Variants in CCDC85C observed in about 807,000 individuals in gnomAD.
The protein encoded by CCDC85C is coiled-coil domain-containing protein 85C.
In CCDC85C, 18 loss-of-function variants were observed where a neutral mutation model predicts 38.3. The observed-to-expected ratio is 0.47, with a 90% CI of 0.33 to 0.70. CCDC85C has a LOEUF of 0.70. Among genes scored for constraint, CCDC85C ranks in the 30% least tolerant of loss-of-function variants. CCDC85C has a pLI of 0.03. For synonymous variants in CCDC85C, 264 were observed against 293.8 expected, an observed-to-expected ratio of 0.90 and a Z score of 1.04; for missense variants, 566 against 621.2, an observed-to-expected ratio of 0.91 and a Z score of 0.94.
At chr14:99,567,408 G>A (rs1388705700) in intron 1 of CCDC85C, among the ~76,000 whole-genome samples, 1 of 152,178 alleles carries the variant, frequency 6.6e-6, no homozygotes, top group Non-Finnish European at 1.5e-5. Context: ...GAGGCATGGT[G>A]GTGCCGAGAC....
chr14:99,515,675 C>A (rs1257572482), intron 5 of CCDC85C, among the ~76,000 whole-genome samples: 1 of 152,128 alleles, frequency 6.6e-6, no homozygotes, highest in African/African-American at 2.4e-5. Flanking sequence ...GAAACTCCTT[C>A]CCCGATGGCT....
At position 99,569,823 on chromosome 14, in the gene CCDC85C, G is replaced by T. The variant is rs943080683; in HGVS notation, c.793+33344C>A. On this transcript the variant is annotated intron_variant, in intron 1 of 5. Coordinates refer to ENST00000380243, the MANE Select transcript of CCDC85C (RefSeq NM_001144995.2). This position sits in a 1 kb window ranked among gnomAD's most constrained non-coding sequence, Gnocchi z 4.3. ...TTTGGAACATCTGCGGATACTGGAG[G>T]TTAGAAAGACCCCTGTTGTAATCCC... Among the ~76,000 whole-genome samples, 1 of 152,160 alleles carries T rather than the reference G, an allele frequency of 6.6e-6. No homozygotes were observed. Among genetic ancestry groups the T allele is most frequent in the East Asian group, 1.9e-4 (1 of 5,186 alleles).
rs765263924 is a variant in CCDC85C at position 99,507,122 on chromosome 14, G to A, written c.*8124C>T. ...CCAAAATTGAGACCACTCATCCACCGTTGCCTCCAGCCCACCCACCTCCAG... is the reference window on the plus strand; with the variant it reads ...CCAAAATTGAGACCACTCATCCACCATTGCCTCCAGCCCACCCACCTCCAG... On this transcript the variant is annotated 3_prime_UTR_variant, in exon 6 of 6. Transcript: ENST00000380243. The A allele has an allele frequency of 2.0e-5, 33 of 1,610,612 alleles. No individual in the cohort carries two copies. In the Middle Eastern group the frequency reaches 6.6e-4, roughly 32 times the overall value.
At chr14:99,579,047 C>T (rs2054936312) in intron 1 of CCDC85C, among the ~76,000 whole-genome samples, 1 of 152,220 alleles carries the variant, frequency 6.6e-6, no homozygotes, top group African/African-American at 2.4e-5. Flanking sequence ...GCCCCTACTG[C>T]AGGTGAGGAA....
In CCDC85C at chr14:99,522,470, A is replaced by G. The variant is rs528419278; in HGVS notation, c.868-230T>C. Reference sequence around the variant, plus strand: ...ACTCTCCAACGTGGGCTTTGTAAACATTTGTTGGATGGCTGAATAAACAGA... The same window carrying G: ...ACTCTCCAACGTGGGCTTTGTAAACGTTTGTTGGATGGCTGAATAAACAGA... On this transcript the variant is annotated intron_variant, in intron 2 of 5. Coordinates refer to ENST00000380243, the MANE Select transcript of CCDC85C (RefSeq NM_001144995.2). 23 of 436,682 alleles carry G rather than the reference A, an allele frequency of 5.3e-5. No homozygotes were observed. The South Asian group carries it at 7.3e-4, about 14-fold the overall frequency. The allele number at this position is 436,682 out of a possible 1,614,324, so 27.1% of individuals were successfully genotyped here. A position where few individuals can be genotyped will look rare whatever the true frequency, so the allele number is the denominator to read the frequency against.
intron 1 of CCDC85C, among the ~76,000 whole-genome samples, chr14:99,556,234 T>C (rs116551882): frequency 0.02 from 2,970 of 152,278 alleles, 99 homozygotes; most frequent in African/African-American, 0.068. Context: ...CTGGGCAACA[T>C]AGCGGCATCC....
At position 99,572,374 on chromosome 14, in the gene CCDC85C, C is replaced by T. The variant is rs768158798; in HGVS notation, c.793+30793G>A. On this transcript the variant is annotated intron_variant, in intron 1 of 5. Transcript: ENST00000380243. This position sits in a 1 kb window ranked among gnomAD's most constrained non-coding sequence, Gnocchi z 4.4. Reference sequence around the variant, plus strand: ...GGCCTTCCTCACGGGACACTGCGGGCGCTGCGGGCTAGTGTCTCAGCCTGC... The same window carrying T: ...GGCCTTCCTCACGGGACACTGCGGGTGCTGCGGGCTAGTGTCTCAGCCTGC... Among the ~76,000 whole-genome samples, 30 of 152,324 alleles carry T rather than the reference C, an allele frequency of 2.0e-4. No individual in the cohort carries two copies. The highest frequency in any genetic ancestry group is 1.7e-3 in the East Asian group (9 of 5,178).
At chr14:99,599,535 C>A (rs998779730) in intron 1 of CCDC85C, among the ~76,000 whole-genome samples, 2 of 152,186 alleles carry the variant, frequency 1.3e-5, no homozygotes, top group Admixed American at 1.3e-4. Context: ...GTGTGCCACA[C>A]TGGACTAGAG....
At position 99,502,831 on chromosome 14, in the gene CCDC85C, G is replaced by A. The variant is rs3918090; in HGVS notation, c.*12415C>T. ...CTCTTCAGCCTACACCACAAGTGCCGCAAGTACAGCAGTCACAGCCGTCTC... is the reference window on the plus strand; with the variant it reads ...CTCTTCAGCCTACACCACAAGTGCCACAAGTACAGCAGTCACAGCCGTCTC... On this transcript the variant is annotated 3_prime_UTR_variant, in exon 6 of 6. Transcript: ENST00000380243. The A allele has an allele frequency of 2.9e-4, 474 of 1,613,300 alleles. No individual in the cohort carries two copies. Among genetic ancestry groups the A allele is most frequent in the Non-Finnish European group, 3.6e-4 (424 of 1,179,684 alleles).
Position 99,536,086 on chromosome 14 carries a change from G to C in CCDC85C, c.796C>G (p.Pro266Ala). The C allele has an allele frequency of 6.5e-7, 1 of 1,549,356 alleles. No homozygotes were observed. Among genetic ancestry groups the C allele is most frequent in the Non-Finnish European group, 8.7e-7 (1 of 1,144,948 alleles). The stretch of plus-strand genomic sequence containing the variant: ...AGTTGCCTGATGTAGGTGGATGAGG[G>C]ATCTGGAAGGACACAAGAGGAAGGG... Reference protein sequence around the residue: ...HRSIPNGLHDPSSTYIRQLES... With the variant: ...HRSIPNGLHDASSTYIRQLES... The change falls in exon 2 of 6, where the codon CCC becomes GCC. Residue 266 changes from proline (P) to alanine (A), a missense_variant and splice_region_variant. By Grantham distance (27) the Pro-to-Ala change is conservative (BLOSUM62 -1). Transcript: ENST00000380243.
chr14:99,574,816 G>A (rs1898437617), intron 1 of CCDC85C, among the ~76,000 whole-genome samples: 1 of 152,188 alleles, frequency 6.6e-6, no homozygotes, highest in African/African-American at 2.4e-5. Context: ...CTGCAAAAGA[G>A]ACTGGTGGAT....
intron 2 of CCDC85C, chr14:99,523,069 A>T (rs1172981751): frequency 6.6e-6 from 1 of 152,156 alleles, no homozygotes. Flanking sequence ...TTCTGGCCGA[A>T]ACACCCTTTT....
rs963808972 is a variant in CCDC85C, at chr14:99,576,864, G to A, written c.793+26303C>T. On this transcript the variant is annotated intron_variant, in intron 1 of 5. Transcript: ENST00000380243. The surrounding 1 kb of genome is among the most constrained non-coding windows in gnomAD (Gnocchi z 4.8). ...AGCAACATGCCCAAGACAGCACAGC[G>A]GGGCAGCACTCTCTCCGGGTCACCC... 9.2e-5 allele frequency among the ~76,000 whole-genome samples: 14 copies of A among 151,948 alleles called. No individual in the cohort carries two copies. The highest frequency in any genetic ancestry group is 3.1e-4 in the African/African-American group (13 of 41,356).
chr14:99,589,170 T>C (rs946854459), intron 1 of CCDC85C, among the ~76,000 whole-genome samples: 1 of 149,970 alleles, frequency 6.7e-6, no homozygotes, highest in Non-Finnish European at 1.5e-5. Context: ...GAGTGAGCCC[T>C]GAGGACAGCA....
At chr14:99,578,821 G>A (rs747593435) in intron 1 of CCDC85C, among the ~76,000 whole-genome samples, 8 of 152,160 alleles carry the variant, frequency 5.3e-5, no homozygotes, top group South Asian at 4.1e-4. Flanking sequence ...TTCTCTAAGC[G>A]CTTCCCTAGA....
Position 99,583,807 on chromosome 14 carries a change from TAAAA to T in CCDC85C, c.793+19356_793+19359del, listed in dbSNP as rs34283477. Among the ~76,000 whole-genome samples the T allele has an allele frequency of 1.6e-3, 183 of 115,138 alleles. 1 individual carries two copies. Among genetic ancestry groups the T allele is most frequent in the African/African-American group, 4.8e-3 (154 of 32,162 alleles). 75.5% of individuals were successfully genotyped at this position (115,138 alleles called of 152,430 possible). On this transcript the variant is annotated intron_variant, in intron 1 of 5. Coordinates refer to ENST00000380243, the MANE Select transcript of CCDC85C (RefSeq NM_001144995.2). ...TGGGTGACAAAGCAAGGCTCTGTCT[TAAAA>T]AAAAAAAAAAAAAAAAGCACATATA...
At chr14:99,595,686 C>T (rs1466215612) in intron 1 of CCDC85C, among the ~76,000 whole-genome samples, 2 of 152,216 alleles carry the variant, frequency 1.3e-5, no homozygotes, top group Admixed American at 1.3e-4. Flanking sequence ...TGAATAATCA[C>T]ACCCACAGGG....
chr14:99,551,696 TGCAGGTGGGTGA>T (rs1897914264), intron 1 of CCDC85C, among the ~76,000 whole-genome samples: 1 of 140,080 alleles, frequency 7.1e-6, no homozygotes, highest in African/African-American at 2.7e-5. Flanking sequence ...GAGGTGAGTG[TGCAGGTGGGTGA>T]GCAGGTGGGT....
At chr14:99,583,554 C>A (rs1214463641) in intron 1 of CCDC85C, among the ~76,000 whole-genome samples, 1 of 151,278 alleles carries the variant, frequency 6.6e-6, no homozygotes, top group Non-Finnish European at 1.5e-5. Flanking sequence ...TGCCTGTTAT[C>A]CCAGCACTTT....
Sources: gnomAD v4.1 joint callset for allele counts (sites outside exome capture counted in the v4.1 genomes callset) on GRCh38, gnomAD v4.1.1 for gene constraint, Gnocchi (gnomAD v3.1) non-coding constraint, MANE v1.5 for transcripts, NCBI Gene and HGNC (gene_info 2026-07-23, HGNC 2026-07-21) for gene names.